The following CDC42BPA variants were observed in gnomAD, a reference collection of about 807,000 sequenced individuals.
The protein encoded by CDC42BPA is CDC42 binding protein kinase alpha.
In CDC42BPA, 80 loss-of-function variants were observed where a neutral mutation model predicts 223.5. The ratio of observed to expected loss-of-function variants is 0.36; its 90% CI spans 0.30 to 0.43. The LOEUF (loss-of-function observed/expected upper bound fraction) is 0.43, where lower values mean the gene tolerates loss of function less well. Ranked by LOEUF, CDC42BPA falls within the 20% of genes least tolerant of loss-of-function variation. The pLI, the probability that CDC42BPA is intolerant of heterozygous loss-of-function variation, is 1.00. For missense variants in CDC42BPA, 1,743 were observed against 2,099.9 expected (o/e 0.83, Z 3.32); for synonymous variants, 694 against 718.6 (o/e 0.97, Z 0.55).
intron 5 of CDC42BPA, among the ~76,000 whole-genome samples, chr1:227,184,697 A>G (rs1668471116): frequency 6.6e-6 from 1 of 152,188 alleles, no homozygotes; most frequent in African/African-American, 2.4e-5. Flanking sequence ...CTCTATCTAA[A>G]GGAATCTTGC....
intron 1 of CDC42BPA, among the ~76,000 whole-genome samples, chr1:227,282,392 T>C (rs1378483685): frequency 1.3e-5 from 2 of 152,192 alleles, no homozygotes; most frequent in African/African-American, 4.8e-5. Flanking sequence ...GTTTATATAA[T>C]ACTCTAAAAT....
chr1:227,011,383 G>A (rs1343984113), intron 34 of CDC42BPA, among the ~76,000 whole-genome samples: 1 of 152,000 alleles, frequency 6.6e-6, no homozygotes, highest in Non-Finnish European at 1.5e-5. Context: ...ATCAAAATAT[G>A]GCAAAAATCT....
At chr1:227,049,350 A>C (rs1673087683) in intron 22 of CDC42BPA, among the ~76,000 whole-genome samples, 1 of 152,058 alleles carries the variant, frequency 6.6e-6, no homozygotes, top group African/African-American at 2.4e-5. Flanking sequence ...CAAAAAATTT[A>C]AGGTACCTAG....
rs1366565238 is a variant in CDC42BPA at position 227,317,669 on chromosome 1, A to C, written c.-487T>G. The C allele has an allele frequency of 2.5e-6, 1 of 398,154 alleles. No homozygotes were observed. Among genetic ancestry groups the C allele is most frequent in the Non-Finnish European group, 4.4e-6 (1 of 225,890 alleles). 24.7% of individuals were successfully genotyped at this position (398,154 alleles called of 1,614,324 possible). ...AAAACAGAAAAGGGAGGAAAAAAAC[A>C]GAATGCATAGAAGGGGGAGGGAAAA... On this transcript the variant is annotated 5_prime_UTR_variant, in exon 1 of 37. Transcript: ENST00000366766.
chr1:227,028,799 T>G lies in CDC42BPA; in HGVS notation c.4290A>C (p.Gln1430His), dbSNP rs2148641399. 6.2e-7 allele frequency: 1 copy of G among 1,614,104 alleles called. No individual in the cohort carries two copies. Among genetic ancestry groups the G allele is most frequent in the South Asian group, 1.1e-5 (1 of 91,082 alleles). Reference sequence around the variant, plus strand: ...CAACTGCGCAGATAGCATCCATTGGTTGATGTGCAATAAATGATAGTGTAT... The same window carrying G: ...CAACTGCGCAGATAGCATCCATTGGGTGATGTGCAATAAATGATAGTGTAT... The part of the protein sequence containing the change: ...NDHTLSFIAH[Q>H]PMDAICAVEI... The change falls in exon 30 of 37, where the codon CAA becomes CAC. Residue 1430 changes from glutamine to histidine, a missense_variant. By Grantham distance (24) the Gln-to-His change is conservative (BLOSUM62 0). This residue lies in a region of CDC42BPA where 678 missense variants were observed against 777.5 expected (regional missense o/e 0.87). Coordinates refer to ENST00000366766, the MANE Select transcript of CDC42BPA (RefSeq NM_001394014.1).
intron 21 of CDC42BPA, among the ~76,000 whole-genome samples, chr1:227,062,771 T>G (rs1284232434): frequency 2.6e-5 from 4 of 152,026 alleles, no homozygotes. Context: ...TGCTTTGTCT[T>G]TGTATCCATT....
intron 3 of CDC42BPA, among the ~76,000 whole-genome samples, chr1:227,211,496 A>C (rs1471199790): frequency 6.6e-6 from 1 of 152,144 alleles, no homozygotes; most frequent in East Asian, 1.9e-4. Context: ...CACAGACTCA[A>C]TCTTGCTGTC....
chr1:227,129,666 CAAAAAAAAAA>C (rs569879499), intron 10 of CDC42BPA, among the ~76,000 whole-genome samples: 56 of 33,908 alleles, frequency 1.7e-3, no homozygotes, highest in Non-Finnish European at 2.2e-3. Flanking sequence ...GACTGTATCT[CAAAAAAAAAA>C]AAAAAAAAAA....
intron 8 of CDC42BPA, among the ~76,000 whole-genome samples, chr1:227,144,386 C>T (rs1660281181): frequency 6.6e-6 from 1 of 151,904 alleles, no homozygotes; most frequent in Non-Finnish European, 1.5e-5. Context: ...ACCATTCTGG[C>T]TAACACGGTG....
At chr1:227,305,219 G>A (rs1692334179) in intron 1 of CDC42BPA, among the ~76,000 whole-genome samples, 1 of 152,156 alleles carries the variant, frequency 6.6e-6, no homozygotes. Context: ...CAATGTTTCT[G>A]TAAACTCGAG....
At chr1:227,172,361 C>G (rs1396877774) in intron 5 of CDC42BPA, among the ~76,000 whole-genome samples, 1 of 152,088 alleles carries the variant, frequency 6.6e-6, no homozygotes, top group African/African-American at 2.4e-5. Context: ...TTCTATAATT[C>G]CAGGTACTGC....
chr1:226,993,419 G>A lies in CDC42BPA; in HGVS notation c.*849C>T, dbSNP rs1426980332. The A allele has an allele frequency of 1.3e-5, 2 of 152,280 alleles. No individual in the cohort carries two copies. Among genetic ancestry groups the A allele is most frequent in the Admixed American group, 1.3e-4 (2 of 15,282 alleles). 9.4% of individuals were successfully genotyped at this position (152,280 alleles called of 1,614,324 possible). A position where few individuals can be genotyped will look rare whatever the true frequency, so the allele number is the denominator to read the frequency against. On this transcript the variant is annotated 3_prime_UTR_variant, in exon 37 of 37. Transcript: ENST00000366766. ...TGCTGCTGCTGAAGTGGCTTCAAATGTTAAAGCTCTGGTGCCCAGGGCATG... is the reference window on the plus strand; with the variant it reads ...TGCTGCTGCTGAAGTGGCTTCAAATATTAAAGCTCTGGTGCCCAGGGCATG...
intron 21 of CDC42BPA, among the ~76,000 whole-genome samples, chr1:227,061,803 C>T (rs1260336715): frequency 6.6e-6 from 1 of 152,184 alleles, no homozygotes; most frequent in African/African-American, 2.4e-5. Flanking sequence ...AATGGAGATT[C>T]CAGGTTTCTG....
chr1:227,124,458 A>T (rs1415173669), intron 11 of CDC42BPA, among the ~76,000 whole-genome samples: 1 of 151,820 alleles, frequency 6.6e-6, no homozygotes, highest in Non-Finnish European at 1.5e-5. Flanking sequence ...GGAGGTATAT[A>T]TTTTTTCTTT....
intron 5 of CDC42BPA, among the ~76,000 whole-genome samples, chr1:227,192,111 TTTAA>T (rs772130909): frequency 2.0e-5 from 3 of 152,142 alleles, no homozygotes; most frequent in Admixed American, 6.5e-5. Context: ...ATACAAATTG[TTTAA>T]TTAAAGTAGT....
intron 2 of CDC42BPA, among the ~76,000 whole-genome samples, chr1:227,213,547 T>C (rs1474351884): frequency 1.3e-5 from 2 of 152,168 alleles, no homozygotes; most frequent in Non-Finnish European, 2.9e-5. Context: ...ACTCAATATC[T>C]ACTATCACTA....
intron 24 of CDC42BPA, among the ~76,000 whole-genome samples, chr1:227,038,116 G>A (rs557234024): frequency 6.9e-4 from 105 of 152,268 alleles, no homozygotes; most frequent in Non-Finnish European, 1.2e-3. Flanking sequence ...GACACAGTGG[G>A]AGGTAATTGA....
chr1:227,124,719 C>T lies in CDC42BPA; in HGVS notation c.1513+4390G>A, dbSNP rs542552540. Among the ~76,000 whole-genome samples, 10 of 151,996 alleles carry T rather than the reference C, an allele frequency of 6.6e-5. No homozygotes were observed. In the South Asian group the frequency reaches 2.1e-3, roughly 32 times the overall value. On this transcript the variant is annotated intron_variant, in intron 11 of 36. Transcript: ENST00000366766. ...CAAATACATGCATAATAATGAAGGG[C>T]CTTGTATTAGAATTGAGAAATTTCT...
chr1:227,254,558 T>C (rs1330700782), intron 1 of CDC42BPA, among the ~76,000 whole-genome samples: 1 of 152,218 alleles, frequency 6.6e-6, no homozygotes, highest in Non-Finnish European at 1.5e-5. Flanking sequence ...AGTAAACTCA[T>C]GTTTCTTTCA....
Sources: allele counts gnomAD v4.1 joint callset (sites outside exome capture counted in the v4.1 genomes callset), GRCh38; gene constraint gnomAD v4.1.1; regional missense constraint gnomAD v4.1.1; transcripts MANE v1.5; gene names NCBI Gene and HGNC (gene_info 2026-07-23, HGNC 2026-07-21).